The following EFNB1 variants were observed in gnomAD, a reference collection of about 807,000 sequenced individuals.
EFNB1 encodes the protein ephrin-B1.
A neutral mutation model predicts 18.1 loss-of-function variants in EFNB1; 1 was observed. That is an observed-to-expected ratio of 0.06 (90% CI 0.02 to 0.26). The LOEUF (loss-of-function observed/expected upper bound fraction) is 0.26, where lower values mean the gene tolerates loss of function less well. Among genes scored for constraint, EFNB1 ranks in the 10% least tolerant of loss-of-function variants. The probability of loss-of-function intolerance (pLI) is 1.00; values close to 1 mark genes in which losing one functional copy is unlikely to be tolerated. For missense variants in EFNB1, 221 were observed against 301.8 expected, an observed-to-expected ratio of 0.73 and a Z score of 1.98; for synonymous variants, 131 against 127.5, an observed-to-expected ratio of 1.03 and a Z score of -0.19.
chrX:68,840,848 G>A lies in EFNB1; in HGVS notation c.*194G>A, dbSNP rs2147977301. 3 of 481,765 alleles carry A rather than the reference G, an allele frequency of 6.2e-6. No homozygotes were observed. The East Asian group carries it at 1.1e-4, about 18-fold the overall frequency. The allele number at this position is 481,765 out of a possible 1,213,427, so 39.7% of individuals were successfully genotyped here. A position where few individuals can be genotyped will look rare whatever the true frequency, so the allele number is the denominator to read the frequency against. On this transcript the variant is annotated 3_prime_UTR_variant, in exon 5 of 5. Coordinates refer to ENST00000204961, the MANE Select transcript of EFNB1 (RefSeq NM_004429.5). ...GGGTGCTTGTGCCCCTAACCCCCAT[G>A]CTCTTGTGCCTTCCCCCTCTGGCCA...
In EFNB1 at chrX:68,831,846, C is replaced by T. The variant is rs1289749160; in HGVS notation, c.128+1942C>T. Among the ~76,000 whole-genome samples, 11 of 110,271 alleles carry T rather than the reference C, an allele frequency of 1.0e-4. No homozygotes were observed. In the East Asian group the frequency reaches 3.2e-3, roughly 32 times the overall value. On this transcript the variant is annotated intron_variant, in intron 1 of 4. Coordinates refer to ENST00000204961, the MANE Select transcript of EFNB1 (RefSeq NM_004429.5). Reference sequence around the variant, plus strand: ...GGTGGTATCCTCTCTGACCCCCCTCCTCATCTACCTCAAGCTGAGGGCAGG... The same window carrying T: ...GGTGGTATCCTCTCTGACCCCCCTCTTCATCTACCTCAAGCTGAGGGCAGG...
At chrX:68,832,184 G>A in intron 1 of EFNB1, among the ~76,000 whole-genome samples, 1 of 110,471 alleles carries the variant, frequency 9.1e-6, no homozygotes. Flanking sequence ...CTCCCTCTCT[G>A]CCTCCTGCCC....
At position 68,840,755 on chromosome X, in the gene EFNB1, G is replaced by A. The variant is rs1293344162; in HGVS notation, c.*101G>A. 2.1e-6 allele frequency: 2 copies of A among 941,871 alleles called. No homozygotes were observed. The highest frequency in any genetic ancestry group is 3.9e-5 in the African/African-American group (2 of 51,682). 77.6% of individuals were successfully genotyped at this position (941,871 alleles called of 1,213,427 possible). ...CCCCTTGCCAGCTGTGCCCACCTTT[G>A]TATTTAGTTTTGTAGTTTCTTGGCT... On this transcript the variant is annotated 3_prime_UTR_variant, in exon 5 of 5. Coordinates refer to ENST00000204961, the MANE Select transcript of EFNB1 (RefSeq NM_004429.5).
chrX:68,830,011 C>G, intron 1 of EFNB1, 107 bp downstream of exon 1: 1 of 1,052,725 alleles, frequency 9.5e-7, no homozygotes, highest in Non-Finnish European at 1.3e-6. Context: ...GGAGCGGCGC[C>G]TCATTTTGTC....
intron 1 of EFNB1, among the ~76,000 whole-genome samples, chrX:68,836,206 G>T (rs997491527): frequency 4.5e-5 from 5 of 111,928 alleles, no homozygotes; most frequent in Non-Finnish European, 9.4e-5. Flanking sequence ...GCTCTAAGAT[G>T]TGAGCAGTTG....
At chrX:68,834,349 G>T (rs1012145855) in intron 1 of EFNB1, among the ~76,000 whole-genome samples, 2 of 112,458 alleles carry the variant, frequency 1.8e-5, no homozygotes, top group Non-Finnish European at 3.8e-5. Flanking sequence ...AGGAGGGGGG[G>T]TATTAAATTC....
At position 68,829,481 on chromosome X, in the gene EFNB1, C is replaced by A; in HGVS notation, c.-296C>A. ...GAAGTCGAGCGGAATCGGGCGGGAT[C>A]ACCCGGGGGCGCAGAGCCCCCGTCG... On this transcript the variant is annotated 5_prime_UTR_variant, in exon 1 of 5. Coordinates refer to ENST00000204961, the MANE Select transcript of EFNB1 (RefSeq NM_004429.5). 8.6e-6 allele frequency: 3 copies of A among 348,748 alleles called. No individual in the cohort carries two copies. The highest frequency in any genetic ancestry group is 9.6e-5 in the Admixed American group (2 of 20,824). The allele number at this position is 348,748 out of a possible 1,213,427, so 28.7% of individuals were successfully genotyped here.
Position 68,829,771 on chromosome X carries a change from G to C in EFNB1, c.-6G>C. 8.4e-7 allele frequency: 1 copy of C among 1,190,321 alleles called. No individual in the cohort carries two copies. The highest frequency in any genetic ancestry group is 3.1e-5 in the East Asian group (1 of 32,639). ...GGATCCCGAAGTGCAGTCTGCCCCCGGGAAGATGGCTCGGCCTGGGCAGCG... is the reference window on the plus strand; with the variant it reads ...GGATCCCGAAGTGCAGTCTGCCCCCCGGAAGATGGCTCGGCCTGGGCAGCG... On this transcript the variant is annotated 5_prime_UTR_variant, in exon 1 of 5. Coordinates refer to ENST00000204961, the MANE Select transcript of EFNB1 (RefSeq NM_004429.5).
In EFNB1 at chrX:68,829,386, G is replaced by C. The variant is rs1569396337; in HGVS notation, c.-391G>C. ...GCGATCCCGGGACGGTCGAGGCGTCGGGGCGGTCACCGAGACCTCTGCGGG... is the reference window on the plus strand; with the variant it reads ...GCGATCCCGGGACGGTCGAGGCGTCCGGGCGGTCACCGAGACCTCTGCGGG... On this transcript the variant is annotated 5_prime_UTR_variant, in exon 1 of 5. Transcript: ENST00000204961. 3 of 213,011 alleles carry C rather than the reference G, an allele frequency of 1.4e-5. No homozygotes were observed. In the East Asian group the frequency reaches 4.6e-4, roughly 33 times the overall value. 17.6% of individuals were successfully genotyped at this position (213,011 alleles called of 1,213,427 possible).
At chrX:68,830,042 T>G in intron 1 of EFNB1, 138 bp downstream of exon 1, 4 of 706,257 alleles carry the variant, frequency 5.7e-6, no homozygotes, top group African/African-American at 2.2e-5. Flanking sequence ...TCGAGTGTTT[T>G]CCTGCGGGCG....
At chrX:68,831,190 C>A (rs1410585587) in intron 1 of EFNB1, among the ~76,000 whole-genome samples, 1 of 110,759 alleles carries the variant, frequency 9.0e-6, no homozygotes, top group Non-Finnish European at 1.9e-5. Context: ...TCCCCCCCAG[C>A]CCCGCCCTGC....
At chrX:68,838,539 T>C (rs1314830474) in intron 1 of EFNB1, 78 bp from the exon 2 acceptor site, 6 of 1,163,194 alleles carry the variant, frequency 5.2e-6, no homozygotes, top group Non-Finnish European at 7.0e-6. Flanking sequence ...AGCCCGGCTC[T>C]TGTCCGCTTC....
intron 1 of EFNB1, among the ~76,000 whole-genome samples, chrX:68,835,360 G>T (rs970577683): frequency 7.2e-5 from 8 of 111,444 alleles, no homozygotes; most frequent in Non-Finnish European, 1.3e-4. Context: ...GTCCTAGGGT[G>T]GGGGGAAGTA....
chrX:68,831,984 C>T (rs1314511084), intron 1 of EFNB1, among the ~76,000 whole-genome samples: 1 of 110,555 alleles, frequency 9.0e-6, no homozygotes, highest in African/African-American at 3.3e-5. Flanking sequence ...GGTGCACCCT[C>T]CTTCCATCCA....
chrX:68,840,674 GC>G lies in EFNB1; in HGVS notation c.*25del. On this transcript the variant is annotated 3_prime_UTR_variant, in exon 5 of 5. Coordinates refer to ENST00000204961, the MANE Select transcript of EFNB1 (RefSeq NM_004429.5). The stretch of plus-strand genomic sequence containing the variant: ...GTCTGAGTGCCCGGCACGGCCTCAG[GC>G]CCCCGAGGGACAGTCGGCCTGGACC... The G allele has an allele frequency of 8.3e-7, 1 of 1,197,931 alleles. No individual in the cohort carries two copies. Among genetic ancestry groups the G allele is most frequent in the Non-Finnish European group, 1.1e-6 (1 of 889,057 alleles).
chrX:68,832,782 A>G (rs1408719719), intron 1 of EFNB1, among the ~76,000 whole-genome samples: 1 of 104,456 alleles, frequency 9.6e-6, no homozygotes, highest in Non-Finnish European at 2.0e-5. Flanking sequence ...TGGTCCTGCT[A>G]GAGTTTTTTT....
In EFNB1 at chrX:68,838,318, C is replaced by T. The variant is rs142465917; in HGVS notation, c.129-299C>T. ...ACCTTGGTACCCAGCCCATTGGCCACGTCAGCCCCCTGCGGAAATGCCACA... is the reference window on the plus strand; with the variant it reads ...ACCTTGGTACCCAGCCCATTGGCCATGTCAGCCCCCTGCGGAAATGCCACA... On this transcript the variant is annotated intron_variant, in intron 1 of 4. Coordinates refer to ENST00000204961, the MANE Select transcript of EFNB1 (RefSeq NM_004429.5). 4.3e-3 allele frequency among the ~76,000 whole-genome samples: 482 copies of T among 111,041 alleles called. 4 individuals carry two copies. The highest frequency in any genetic ancestry group is 0.015 in the African/African-American group (450 of 30,579).
At position 68,840,084 on chromosome X, in the gene EFNB1, G is replaced by A; in HGVS notation, c.624G>A (p.Lys208=). 8.3e-7 allele frequency: 1 copy of A among 1,212,047 alleles called. No homozygotes were observed. The highest frequency in any genetic ancestry group is 1.1e-6 in the Non-Finnish European group (1 of 895,582). Residue 208 remains lysine (K), a synonymous_variant, in exon 4 of 5, where the codon AAG becomes AAA. Transcript: ENST00000204961. Reference sequence around the variant, plus strand: ...GCTCCCTGGGTGACTCTGATGGCAAGCATGGTAAGTGTATGTGTTTCCCAG... The same window carrying A: ...GCTCCCTGGGTGACTCTGATGGCAAACATGGTAAGTGTATGTGTTTCCCAG... ...SRGSLGDSDG[K]HETVNQEEKS... is the part of the protein sequence containing the mutation.
In EFNB1 at chrX:68,840,346, G is replaced by A. The variant is rs897423032; in HGVS notation, c.733G>A (p.Gly245Ser). 3 of 1,211,546 alleles carry A rather than the reference G, an allele frequency of 2.5e-6. No homozygotes were observed. Among genetic ancestry groups the A allele is most frequent in the Non-Finnish European group, 3.4e-6 (3 of 895,434 alleles). Residue 245 changes from glycine (G) to serine (S), a missense_variant, in exon 5 of 5, where the codon GGT becomes AGT. Physicochemically the swap from Gly to Ser is moderately conservative, Grantham distance 56. Coordinates refer to ENST00000204961, the MANE Select transcript of EFNB1 (RefSeq NM_004429.5). The part of the protein sequence containing the change: ...NSKVALFAAV[G>S]AGCVIFLLII... ...CAAGGTGGCATTGTTCGCGGCTGTC[G>A]GTGCCGGTTGCGTCATCTTCCTGCT...
Sources: gnomAD v4.1 joint callset for allele counts (sites outside exome capture counted in the v4.1 genomes callset) on GRCh38, gnomAD v4.1.1 for gene constraint, MANE v1.5 for transcripts, NCBI Gene and HGNC (gene_info 2026-07-23, HGNC 2026-07-21) for gene names.